Variants in TRAPPC12 observed in about 807,000 individuals in gnomAD.
TRAPPC12 encodes the protein trafficking protein particle complex subunit 12, also known as TPR repeat protein 15.
In TRAPPC12, 61 loss-of-function variants were observed where a neutral mutation model predicts 69.2. That is an observed-to-expected ratio of 0.88 (90% CI 0.72 to 1.09). The LOEUF (loss-of-function observed/expected upper bound fraction) is 1.09. Among genes scored for constraint, TRAPPC12 ranks in the 50% least tolerant of loss-of-function variants. The pLI, the probability that TRAPPC12 is intolerant of heterozygous loss-of-function variation, is 0.00. For missense variants in TRAPPC12, 1,101 were observed against 1,016.4 expected, an observed-to-expected ratio of 1.08 and a Z score of -1.13; for synonymous variants, 469 against 438.9, an observed-to-expected ratio of 1.07 and a Z score of -0.86.
chr2:3,467,714 A>G (rs1323811145), intron 9 of TRAPPC12: 1 of 152,296 alleles, frequency 6.6e-6, no homozygotes, highest in Non-Finnish European at 1.5e-5. Flanking sequence ...AAGAACGACC[A>G]CATATCAGCC....
chr2:3,434,170 C>T (rs1189854054), intron 5 of TRAPPC12, among the ~76,000 whole-genome samples: 1 of 152,240 alleles, frequency 6.6e-6, no homozygotes, highest in Non-Finnish European at 1.5e-5. Context: ...TCCTTGAGGA[C>T]ACGGACCTCG....
chr2:3,459,437 G>GATAA (rs1382990901), intron 7 of TRAPPC12, among the ~76,000 whole-genome samples: 2 of 152,246 alleles, frequency 1.3e-5, no homozygotes, highest in African/African-American at 4.8e-5. Flanking sequence ...TCATCCCAAT[G>GATAA]ATAAACAGGC....
chr2:3,446,381 G>C (rs1341924238), intron 6 of TRAPPC12, among the ~76,000 whole-genome samples: 1 of 152,214 alleles, frequency 6.6e-6, no homozygotes, highest in Admixed American at 6.5e-5. Flanking sequence ...TAATTACTAT[G>C]TGTTCCTTTA....
chr2:3,383,985 T>C (rs1660375417), intron 1 of TRAPPC12, among the ~76,000 whole-genome samples: 1 of 141,796 alleles, frequency 7.1e-6, no homozygotes, highest in Non-Finnish European at 1.5e-5. Context: ...AACCTCCGCC[T>C]CCTGGGTTCA....
Position 3,465,450 on chromosome 2 carries a change from C to T in TRAPPC12, c.1678-147C>T, listed in dbSNP as rs1665758177. 1.3e-5 allele frequency: 8 copies of T among 613,336 alleles called. No homozygotes were observed. In the South Asian group the frequency reaches 1.5e-4, roughly 11 times the overall value. 38.0% of individuals were successfully genotyped at this position (613,336 alleles called of 1,614,324 possible). ...GCCGCCCCCTGGCAGCCGAGCACCG[C>T]GTGCTGGTTTCCAGCTTCCCCGCCA... On this transcript the variant is annotated intron_variant, in intron 8 of 11. Coordinates refer to ENST00000324266, the MANE Select transcript of TRAPPC12 (RefSeq NM_016030.6).
At position 3,401,927 on chromosome 2, in the gene TRAPPC12, T is replaced by G. The variant is rs533081150; in HGVS notation, c.1164+34T>G. On this transcript the variant is annotated intron_variant, in intron 3 of 11. Transcript: ENST00000324266. ...CAATGTGTTTGATTTCAGTGTTGTT[T>G]TGTGATAAGTCCTGCCTGCCTTCAT... is the stretch of plus-strand genomic sequence containing the variant. 19 of 1,391,716 alleles carry G rather than the reference T, an allele frequency of 1.4e-5. No homozygotes were observed. The South Asian group carries it at 2.2e-4, about 16-fold the overall frequency. 86.2% of individuals were successfully genotyped at this position (1,391,716 alleles called of 1,614,324 possible).
chr2:3,431,368 A>G (rs1663429416), intron 5 of TRAPPC12, among the ~76,000 whole-genome samples: 1 of 152,216 alleles, frequency 6.6e-6, no homozygotes, highest in Non-Finnish European at 1.5e-5. Context: ...GTCCCAGGAA[A>G]CATCATCCAG....
chr2:3,464,750 A>G (rs1001394830), intron 8 of TRAPPC12, among the ~76,000 whole-genome samples: 2 of 152,236 alleles, frequency 1.3e-5, no homozygotes, highest in African/African-American at 4.8e-5. Flanking sequence ...ACCTTCCTGC[A>G]CGGAGACCGC....
chr2:3,403,459 G>C (rs999474599), intron 3 of TRAPPC12, among the ~76,000 whole-genome samples: 3 of 152,092 alleles, frequency 2.0e-5, no homozygotes, highest in African/African-American at 7.2e-5. Context: ...TTGAACTCCT[G>C]ACCTCAGGTG....
chr2:3,390,303 A>G (rs1660754098), intron 2 of TRAPPC12, among the ~76,000 whole-genome samples: 1 of 152,216 alleles, frequency 6.6e-6, no homozygotes, highest in African/African-American at 2.4e-5. Flanking sequence ...CCCAGATGGG[A>G]CCAAAATCAG....
At chr2:3,458,313 C>T (rs1325975862) in intron 7 of TRAPPC12, 1 of 986,546 alleles carries the variant, frequency 1.0e-6, no homozygotes, top group East Asian at 1.1e-4. Context: ...TGCTCCCTCC[C>T]AGGTAGCCCC....
chr2:3,449,274 A>G lies in TRAPPC12; in HGVS notation c.1530+5383A>G, dbSNP rs1475241032. 25 of 152,316 alleles carry G rather than the reference A, an allele frequency of 1.6e-4. 1 individual carries two copies. Among genetic ancestry groups the G allele is most frequent in the Admixed American group, 1.6e-3 (25 of 15,288 alleles). The allele number at this position is 152,316 out of a possible 1,614,324, so 9.4% of individuals were successfully genotyped here. On this transcript the variant is annotated intron_variant, in intron 6 of 11. Transcript: ENST00000324266. ...ACTTCTGCAAGCCATTTGCATAAGT[A>G]GACATAATCCATACGGAATGATGCA...
At chr2:3,439,682 T>G (rs924744783) in intron 5 of TRAPPC12, among the ~76,000 whole-genome samples, 16 of 152,232 alleles carry the variant, frequency 1.1e-4, no homozygotes, top group African/African-American at 3.9e-4. Context: ...GCATACGTGT[T>G]TAATTTTAAT....
chr2:3,384,199 T>C (rs1241661162), intron 1 of TRAPPC12, among the ~76,000 whole-genome samples: 1 of 152,156 alleles, frequency 6.6e-6, no homozygotes, highest in Non-Finnish European at 1.5e-5. Flanking sequence ...CCTGGCCCAA[T>C]ATTTCAGTCT....
At chr2:3,417,340 C>T (rs1662474390) in intron 3 of TRAPPC12, among the ~76,000 whole-genome samples, 1 of 152,196 alleles carries the variant, frequency 6.6e-6, no homozygotes, top group Admixed American at 6.5e-5. Flanking sequence ...CCCACCGCCC[C>T]CGCTGCCTGC....
At position 3,424,548 on chromosome 2, in the gene TRAPPC12, A is replaced by T. The variant is rs759301874; in HGVS notation, c.1302A>T (p.Leu434=). Residue 434 remains leucine, a synonymous_variant, in exon 5 of 12, where the codon CTA becomes CTT. Coordinates refer to ENST00000324266, the MANE Select transcript of TRAPPC12 (RefSeq NM_016030.6). ...AGCTCTGGTTTGTCAGGCTGGCACTACTAGTGAAGTTGGGCCTTTTCCAGA... is the reference window on the plus strand; with the variant it reads ...AGCTCTGGTTTGTCAGGCTGGCACTTCTAGTGAAGTTGGGCCTTTTCCAGA... The part of the protein sequence containing the change: ...SLQLWFVRLA[L]LVKLGLFQNA... 1 of 1,613,680 alleles carries T rather than the reference A, an allele frequency of 6.2e-7. No homozygotes were observed. The highest frequency in any genetic ancestry group is 8.5e-7 in the Non-Finnish European group (1 of 1,179,928).
rs965772829 is a variant in TRAPPC12 at position 3,388,514 on chromosome 2, C to T, written c.891C>T (p.Ala297=). 6.2e-7 allele frequency: 1 copy of T among 1,612,968 alleles called. No individual in the cohort carries two copies. Among genetic ancestry groups the T allele is most frequent in the Non-Finnish European group, 8.5e-7 (1 of 1,179,752 alleles). The change falls in exon 2 of 12, where the codon GCC becomes GCT. Residue 297 remains alanine, a synonymous_variant. Transcript: ENST00000324266. Reference sequence around the variant, plus strand: ...GGAGTGACGACCCCTTTGCCACCGCCCTGAGCATGAGCGAGATGGACCGGA... The same window carrying T: ...GGAGTGACGACCCCTTTGCCACCGCTCTGAGCATGAGCGAGATGGACCGGA... ...FAGSDDPFAT[A]LSMSEMDRRN...
intron 2 of TRAPPC12, among the ~76,000 whole-genome samples, chr2:3,393,608 A>G (rs550175770): frequency 6.6e-6 from 1 of 152,152 alleles, no homozygotes; most frequent in South Asian, 2.1e-4. Flanking sequence ...ATGATCATAT[A>G]TACCTTGAAT....
At chr2:3,456,395 G>C (rs1471144183) in intron 6 of TRAPPC12, 1 of 152,236 alleles carries the variant, frequency 6.6e-6, no homozygotes, top group Non-Finnish European at 1.5e-5. Context: ...GGCTACAGCA[G>C]CTTTGCTTTC....
Sources: gnomAD v4.1 joint callset for allele counts (sites outside exome capture counted in the v4.1 genomes callset) on GRCh38, gnomAD v4.1.1 for gene constraint, MANE v1.5 for transcripts, NCBI Gene and HGNC (gene_info 2026-07-23, HGNC 2026-07-21) for gene names.